Variants in SEH1L observed in about 807,000 individuals in gnomAD.
SEH1L encodes SEH1 like nucleoporin, also known as nucleoporin SEH1.
A neutral mutation model predicts 49.5 loss-of-function variants in SEH1L; 18 were observed. That is an observed-to-expected ratio of 0.36 (90% CI 0.25 to 0.54). The LOEUF (loss-of-function observed/expected upper bound fraction) is 0.54, where lower values mean the gene tolerates loss of function less well. SEH1L is among the 20% of genes least tolerant of loss of function. The pLI is 0.87. For missense variants in SEH1L, 404 were observed against 528.8 expected, an observed-to-expected ratio of 0.76 and a Z score of 2.31; for synonymous variants, 169 against 178.1, an observed-to-expected ratio of 0.95 and a Z score of 0.41.
chr18:12,964,326 T>C (rs2031334168), intron 4 of SEH1L: 1 of 152,218 alleles, frequency 6.6e-6, no homozygotes, highest in Non-Finnish European at 1.5e-5. Context: ...TAGTCACTAG[T>C]ATATTTTTAA....
At chr18:12,954,054 C>T (rs967713257) in intron 2 of SEH1L, among the ~76,000 whole-genome samples, 21 of 151,482 alleles carry the variant, frequency 1.4e-4, no homozygotes, top group Non-Finnish European at 7.4e-5. Flanking sequence ...AAAGATGATA[C>T]AGAAAAGACT....
intron 8 of SEH1L, chr18:12,985,891 A>C: frequency 5.2e-6 from 5 of 968,332 alleles, no homozygotes; most frequent in Non-Finnish European, 6.1e-6. Context: ...AGCCAGGTTA[A>C]GCATTTGGTA....
chr18:12,966,024 A>T (rs1057427635), intron 4 of SEH1L, among the ~76,000 whole-genome samples: 1 of 151,524 alleles, frequency 6.6e-6, no homozygotes, highest in African/African-American at 2.4e-5. Flanking sequence ...AACCTGGATT[A>T]TTATGTGTTG....
chr18:12,953,856 A>G (rs1449367897), intron 2 of SEH1L, among the ~76,000 whole-genome samples: 1 of 152,192 alleles, frequency 6.6e-6, no homozygotes, highest in East Asian at 1.9e-4. Context: ...ATATCTTTAA[A>G]GGCTTTTTAT....
chr18:12,952,044 T>A, intron 2 of SEH1L, 139 bp downstream of exon 2: 1 of 480,840 alleles, frequency 2.1e-6, no homozygotes, highest in South Asian at 2.9e-5. Context: ...TTTTTCGCTA[T>A]TAAAGTAACA....
rs530851023 is a variant in SEH1L at position 12,954,193 on chromosome 18, GA to G, written c.163-1267del. ...GTAAAAAATGTTAGCTATACAGTGTGAAACACATTTTCTGAATGTTATTTGT... is the reference window on the plus strand; with the variant it reads ...GTAAAAAATGTTAGCTATACAGTGTGAACACATTTTCTGAATGTTATTTGT... On this transcript the variant is annotated intron_variant, in intron 2 of 8. Coordinates refer to ENST00000399892, the MANE Select transcript of SEH1L (RefSeq NM_001013437.2). Among the ~76,000 whole-genome samples, 338 of 152,308 alleles carry G rather than the reference GA, an allele frequency of 2.2e-3. 3 individuals are homozygous for G. The highest frequency in any genetic ancestry group is 7.5e-3 in the African/African-American group (310 of 41,584).
chr18:12,953,322 C>T (rs2030659719), intron 2 of SEH1L, among the ~76,000 whole-genome samples: 2 of 152,116 alleles, frequency 1.3e-5, no homozygotes, highest in Admixed American at 1.3e-4. Flanking sequence ...AAGAACGTGC[C>T]ATGTAAGTCT....
At position 12,979,670 on chromosome 18, in the gene SEH1L, C is replaced by T. The variant is rs1317989435; in HGVS notation, c.761+778C>T. Among the ~76,000 whole-genome samples the T allele has an allele frequency of 6.6e-5, 10 of 151,140 alleles. No homozygotes were observed. In the South Asian group the frequency reaches 1.3e-3, roughly 19 times the overall value. Reference sequence around the variant, plus strand: ...CCGGGCAGAGGCGCCCCTCACCTCCCGGACGGGGTGGCTGGCTGGGCGGGG... The same window carrying T: ...CCGGGCAGAGGCGCCCCTCACCTCCTGGACGGGGTGGCTGGCTGGGCGGGG... On this transcript the variant is annotated intron_variant, in intron 6 of 8. Transcript: ENST00000399892.
chr18:12,970,163 G>A (rs969271686), intron 4 of SEH1L, among the ~76,000 whole-genome samples: 2 of 152,116 alleles, frequency 1.3e-5, no homozygotes, highest in African/African-American at 4.8e-5. Context: ...GAGGCTAAAG[G>A]TTAAGCAAGG....
At chr18:12,972,923 T>C (rs2031763828) in intron 5 of SEH1L, 1 of 152,196 alleles carries the variant, frequency 6.6e-6, no homozygotes. Flanking sequence ...GGTGTATCAT[T>C]GGCCACGCGA....
chr18:12,949,828 G>C (rs1028768333), intron 1 of SEH1L, among the ~76,000 whole-genome samples: 5 of 151,964 alleles, frequency 3.3e-5, no homozygotes, highest in Non-Finnish European at 1.5e-5. Context: ...CGTCGCCCCT[G>C]CCCATCTCCA....
chr18:12,987,118 T>C lies in SEH1L; in HGVS notation c.*61T>C. The C allele has an allele frequency of 8.0e-7, 1 of 1,246,126 alleles. No individual in the cohort carries two copies. The highest frequency in any genetic ancestry group is 2.4e-5 in the Admixed American group (1 of 42,526). The allele number at this position is 1,246,126 out of a possible 1,614,324, so 77.2% of individuals were successfully genotyped here. A position where few individuals can be genotyped will look rare whatever the true frequency, so the allele number is the denominator to read the frequency against. ...GCTTGTAAATGCTTTCATTTCTGGC[T>C]GCTTTTTGTTTTTCATTTTCTTTCA... is the stretch of plus-strand genomic sequence containing the variant. On this transcript the variant is annotated 3_prime_UTR_variant, in exon 9 of 9. Transcript: ENST00000399892.
rs191298215 is a variant in SEH1L at position 12,950,384 on chromosome 18, A to G, written c.112-1471A>G. ...GTACTTTTTTTTTAAAGGAGGAGCC[A>G]TGTATTTATTTGTATATATTTTTAA... On this transcript the variant is annotated intron_variant, in intron 1 of 8. Transcript: ENST00000399892. 4.6e-5 allele frequency among the ~76,000 whole-genome samples: 7 copies of G among 152,166 alleles called. No homozygotes were observed. The East Asian group carries it at 1.4e-3, about 29-fold the overall frequency.
intron 8 of SEH1L, chr18:12,984,851 C>T (rs1309088237): frequency 9.4e-5 from 15 of 159,568 alleles, no homozygotes; most frequent in South Asian, 6.0e-4. Context: ...ATTCAGGAAA[C>T]GTCAAAACAC....
At chr18:12,982,888 A>G (rs765107040) in intron 7 of SEH1L, 12 of 416,274 alleles carry the variant, frequency 2.9e-5, no homozygotes, top group Non-Finnish European at 4.3e-5. Flanking sequence ...AGCAGTTTTC[A>G]AAACTAAAGT....
At position 12,978,884 on chromosome 18, in the gene SEH1L, G is replaced by A. The variant is rs745846105; in HGVS notation, c.753G>A (p.Lys251=). The change falls in exon 6 of 9, where the codon AAG becomes AAA. Residue 251 remains lysine (K), a synonymous_variant. Transcript: ENST00000399892. ...ATKDVRIFTL[K]PVRKELTSSG... is the part of the protein sequence containing the mutation. The stretch of plus-strand genomic sequence containing the variant: ...AAGATGTGAGAATTTTTACATTAAA[G>A]CCTGTGAGGTGAGTTTTAGAAGCAT... 3 of 1,613,726 alleles carry A rather than the reference G, an allele frequency of 1.9e-6. No individual in the cohort carries two copies. Among genetic ancestry groups the A allele is most frequent in the South Asian group, 2.2e-5 (2 of 91,026 alleles).
intron 7 of SEH1L, among the ~76,000 whole-genome samples, chr18:12,983,461 C>T (rs2032350672): frequency 6.6e-6 from 1 of 152,174 alleles, no homozygotes; most frequent in Admixed American, 6.5e-5. Flanking sequence ...TGCCTTTAGG[C>T]TTTATTCAGG....
At chr18:12,962,560 C>T (rs1185485442) in intron 3 of SEH1L, among the ~76,000 whole-genome samples, 1 of 145,354 alleles carries the variant, frequency 6.9e-6, no homozygotes, top group African/African-American at 2.5e-5. Flanking sequence ...TTCTGCCCCA[C>T]TGGCTCAAGC....
At chr18:12,952,942 C>T (rs143426358) in intron 2 of SEH1L, among the ~76,000 whole-genome samples, 2,511 of 152,060 alleles carry the variant, frequency 0.017, 33 homozygotes, top group Non-Finnish European at 0.025. Context: ...CCACCACACC[C>T]GGCTAATTTT....
Sources: allele counts gnomAD v4.1 joint callset (sites outside exome capture counted in the v4.1 genomes callset), GRCh38; gene constraint gnomAD v4.1.1; transcripts MANE v1.5; gene names NCBI Gene and HGNC (gene_info 2026-07-23, HGNC 2026-07-21).